LAMC3: variants seen among roughly 807,000 people sequenced by gnomAD.
The protein encoded by LAMC3 is laminin subunit gamma-3.
In LAMC3, 128 loss-of-function variants were observed where a neutral mutation model predicts 173.8. The observed-to-expected ratio is 0.74, with a 90% confidence interval of 0.64 to 0.85. The LOEUF (loss-of-function observed/expected upper bound fraction) is 0.85. LAMC3 is among the 40% of genes least tolerant of loss of function. The pLI, the probability that LAMC3 is intolerant of heterozygous loss-of-function variation, is 0.00. For synonymous variants in LAMC3, 897 were observed against 909.1 expected, an observed-to-expected ratio of 0.99 and a Z score of 0.24; for missense variants, 2,022 against 2,156.0, an observed-to-expected ratio of 0.94 and a Z score of 1.23.
chr9:131,073,303 C>T lies in LAMC3; in HGVS notation c.3476C>T (p.Ala1159Val), dbSNP rs2133327283. 1 of 1,613,670 alleles carries T rather than the reference C, an allele frequency of 6.2e-7. No homozygotes were observed. The highest frequency in any genetic ancestry group is 1.7e-5 in the Admixed American group (1 of 60,018). Residue 1159 changes from alanine to valine, a missense_variant, in exon 20 of 28, where the codon GCC becomes GTC. Physicochemically the swap from Ala to Val is moderately conservative, Grantham distance 64 (BLOSUM62 0). Coordinates refer to ENST00000361069, the MANE Select transcript of LAMC3 (RefSeq NM_006059.4). ...AAATGGAGCCACCTGGCCACAGAGGCCCGTGCCCTCGCCAGGAGGTGAGTC... is the reference window on the plus strand; with the variant it reads ...AAATGGAGCCACCTGGCCACAGAGGTCCGTGCCCTCGCCAGGAGGTGAGTC... ...PTKWSHLATEARALARSHRDT... is the reference protein window; with the variant it reads ...PTKWSHLATEVRALARSHRDT...
At chr9:131,068,269 T>A (rs774716476) in intron 15 of LAMC3, 38 bp downstream of exon 15, 1 of 1,588,280 alleles carries the variant, frequency 6.3e-7, no homozygotes, top group Non-Finnish European at 8.6e-7. Flanking sequence ...TGGGGACCTC[T>A]CCAGGAGGGA....
chr9:131,071,640 C>G lies in LAMC3; in HGVS notation c.3211+15C>G. ...CCTGCTTCCAGGTACAGCAGGAGCGCAGAGCGGGAGGGTGGGAGGCAAGGG... is the reference window on the plus strand; with the variant it reads ...CCTGCTTCCAGGTACAGCAGGAGCGGAGAGCGGGAGGGTGGGAGGCAAGGG... On this transcript the variant is annotated intron_variant, in intron 18 of 27. Transcript: ENST00000361069. 6.4e-7 allele frequency: 1 copy of G among 1,557,178 alleles called. No homozygotes were observed. The highest frequency in any genetic ancestry group is 8.7e-7 in the Non-Finnish European group (1 of 1,148,190).
chr9:131,053,527 C>A (rs1275318339), intron 11 of LAMC3, among the ~76,000 whole-genome samples: 1 of 152,190 alleles, frequency 6.6e-6, no homozygotes, highest in Non-Finnish European at 1.5e-5. Flanking sequence ...AACCTCTACC[C>A]ACACGCTATT....
intron 21 of LAMC3, 32 bp downstream of exon 21, chr9:131,075,997 T>C: frequency 1.9e-6 from 3 of 1,577,258 alleles, no homozygotes; most frequent in Non-Finnish European, 2.6e-6. Flanking sequence ...GTAGAAACTT[T>C]GGGGTTGGCC....
In LAMC3 at chr9:131,036,288, G is replaced by T. The variant is rs767954158; in HGVS notation, c.932G>T (p.Arg311Leu). ...CGCTGCCTGCCCTTCTTCCAGGACC[G>T]CCCGTGGGCCCGGGGCACCGCCGAG... ...CERCLPFFQD[R>L]PWARGTAEAA... The change falls in exon 4 of 28, where the codon CGC (arginine) becomes CTC (leucine). Residue 311 changes from arginine (R) to leucine (L), a missense_variant. Coordinates refer to ENST00000361069, the MANE Select transcript of LAMC3 (RefSeq NM_006059.4). 26 of 1,613,022 alleles carry T rather than the reference G, an allele frequency of 1.6e-5. No homozygotes were observed. The highest frequency in any genetic ancestry group is 2.0e-5 in the Non-Finnish European group (24 of 1,179,910).
At position 131,009,327 on chromosome 9, in the gene LAMC3, T is replaced by A; in HGVS notation, c.113T>A (p.Val38Glu). Residue 38 changes from valine to glutamate, a missense_variant, in exon 1 of 28, where the codon GTG becomes GAG. Val to Glu is a moderately radical substitution (Grantham distance 121). Transcript: ENST00000361069. The surrounding 1 kb of genome is among the most constrained non-coding windows in gnomAD (Gnocchi z 4.3). ...GAGRPQRCLP[V>E]FENAAFGRLA... The stretch of plus-strand genomic sequence containing the variant: ...GGGCGCCCGCAGCGCTGCCTGCCGG[T>A]GTTCGAGAACGCGGCGTTTGGGCGG... 6.7e-7 allele frequency: 1 copy of A among 1,484,384 alleles called. No homozygotes were observed. The highest frequency in any genetic ancestry group is 8.9e-7 in the Non-Finnish European group (1 of 1,124,520). The allele number at this position is 1,484,384 out of a possible 1,614,324, so 92.0% of individuals were successfully genotyped here. A position where few individuals can be genotyped will look rare whatever the true frequency, so the allele number is the denominator to read the frequency against.
intron 11 of LAMC3, among the ~76,000 whole-genome samples, chr9:131,055,517 C>T (rs1458932802): frequency 3.3e-5 from 5 of 150,408 alleles, no homozygotes; most frequent in South Asian, 2.1e-4. Flanking sequence ...CTCCGCCTCC[C>T]GGGTTCATGT....
At chr9:131,014,893 G>A (rs1463951014) in intron 1 of LAMC3, among the ~76,000 whole-genome samples, 1 of 152,180 alleles carries the variant, frequency 6.6e-6, no homozygotes, top group Non-Finnish European at 1.5e-5. Flanking sequence ...TGAGGTGGGA[G>A]GATCGCTGGA....
At chr9:131,051,589 T>C (rs577278922) in intron 9 of LAMC3, among the ~76,000 whole-genome samples, 7 of 152,260 alleles carry the variant, frequency 4.6e-5, no homozygotes, top group Admixed American at 6.5e-5. Flanking sequence ...GGTCTTGAAC[T>C]CCTGACCTTG....
At chr9:131,012,062 TACACACACAC>T (rs33965311) in intron 1 of LAMC3, among the ~76,000 whole-genome samples, 1 of 138,400 alleles carries the variant, frequency 7.2e-6, no homozygotes, top group Non-Finnish European at 1.6e-5. Context: ...CACACACACA[TACACACACAC>T]ACACACACAC....
At chr9:131,044,675 TATGAC>T (rs1457888737) in intron 7 of LAMC3, among the ~76,000 whole-genome samples, 2 of 152,322 alleles carry the variant, frequency 1.3e-5, no homozygotes, top group South Asian at 2.1e-4. Context: ...CCCCATGTGA[TATGAC>T]GAGAAGGGTA....
Position 131,057,099 on chromosome 9 carries a change from T to C in LAMC3, c.2110T>C (p.Cys704Arg). Residue 704 changes from cysteine (C) to arginine (R), a missense_variant, in exon 12 of 28, where the codon TGT becomes CGT. Cys to Arg is a radical substitution (Grantham distance 180). Coordinates refer to ENST00000361069, the MANE Select transcript of LAMC3 (RefSeq NM_006059.4). ...GCCACAGGGGGGTCCCTATGCCAGC[T>C]GTGTCCCCTGCACCTGTAACCAGCA... ...EMPQGGPYASCVPCTCNQHGT... is the reference protein window; with the variant it reads ...EMPQGGPYASRVPCTCNQHGT... 1 of 1,614,174 alleles carries C rather than the reference T, an allele frequency of 6.2e-7. No individual in the cohort carries two copies. The highest frequency in any genetic ancestry group is 8.5e-7 in the Non-Finnish European group (1 of 1,180,036).
At chr9:131,070,808 A>G (rs1342854013) in intron 17 of LAMC3, among the ~76,000 whole-genome samples, 4 of 152,258 alleles carry the variant, frequency 2.6e-5, no homozygotes, top group African/African-American at 9.6e-5. Flanking sequence ...TTATGCAGGA[A>G]AACAGACGAC....
intron 3 of LAMC3, among the ~76,000 whole-genome samples, chr9:131,035,116 A>G (rs1437055505): frequency 6.6e-6 from 1 of 151,890 alleles, no homozygotes; most frequent in African/African-American, 2.4e-5. Context: ...ACACCTGGCT[A>G]TTTTTGTATT....
intron 9 of LAMC3, 36 bp downstream of exon 9, chr9:131,049,166 T>TGTCG: frequency 8.1e-7 from 1 of 1,231,464 alleles, no homozygotes; most frequent in East Asian, 2.5e-5. Context: ...GGCCGCCCTG[T>TGTCG]GTCGGTTCCT....
At chr9:131,062,934 A>C (rs1829859481) in intron 13 of LAMC3, among the ~76,000 whole-genome samples, 1 of 151,798 alleles carries the variant, frequency 6.6e-6, no homozygotes, top group Non-Finnish European at 1.5e-5. Flanking sequence ...CCCTGATAAC[A>C]GCTGTTCTCC....
At chr9:131,045,102 A>G (rs1173439540) in intron 7 of LAMC3, among the ~76,000 whole-genome samples, 2 of 151,904 alleles carry the variant, frequency 1.3e-5, no homozygotes, top group Non-Finnish European at 2.9e-5. Context: ...GGCGCCTGCA[A>G]TCCCAGCTAC....
Position 131,009,458 on chromosome 9 carries a change from C to T in LAMC3, c.244C>T (p.Pro82Ser), listed in dbSNP as rs1192295544. 5 of 1,547,842 alleles carry T rather than the reference C, an allele frequency of 3.2e-6. No individual in the cohort carries two copies. In the African/African-American group the frequency reaches 6.9e-5, roughly 21 times the overall value. Reference protein sequence around the residue: ...AHCQRCDAADPQRHHNASYLT... With the variant: ...AHCQRCDAADSQRHHNASYLT... The stretch of plus-strand genomic sequence containing the variant: ...TTGCCAGCGCTGCGACGCCGCCGAC[C>T]CCCAGCGCCACCACAACGCCTCCTA... Residue 82 changes from proline (P) to serine (S), a missense_variant, in exon 1 of 28, where the codon CCC becomes TCC. By Grantham distance (74) the Pro-to-Ser change is moderately conservative (BLOSUM62 -1). Coordinates refer to ENST00000361069, the MANE Select transcript of LAMC3 (RefSeq NM_006059.4). This position sits in a 1 kb window ranked among gnomAD's most constrained non-coding sequence, Gnocchi z 4.3.
rs1447055105 is a variant in LAMC3 at position 131,079,235 on chromosome 9, G to GGCTGCCCGAACCCTCCAGACT, written c.3872_3892dup (p.Arg1291_Ala1297dup). On this transcript the variant is annotated inframe_insertion, in exon 23 of 28. Coordinates refer to ENST00000361069, the MANE Select transcript of LAMC3 (RefSeq NM_006059.4). ...CATCATGGCAGCACATGGCCACTGA[G>GGCTGCCCGAACCCTCCAGACT]GCTGCCCGAACCCTCCAGACTGCTG... 3 of 1,614,198 alleles carry GGCTGCCCGAACCCTCCAGACT rather than the reference G, an allele frequency of 1.9e-6. No individual in the cohort carries two copies. Among genetic ancestry groups the GGCTGCCCGAACCCTCCAGACT allele is most frequent in the Non-Finnish European group, 2.5e-6 (3 of 1,180,032 alleles).
Sources: gnomAD v4.1 joint callset for allele counts (sites outside exome capture counted in the v4.1 genomes callset) on GRCh38, gnomAD v4.1.1 for gene constraint, Gnocchi (gnomAD v3.1) non-coding constraint, MANE v1.5 for transcripts, NCBI Gene and HGNC (gene_info 2026-07-23, HGNC 2026-07-21) for gene names.